The following TTC31 variants were observed in gnomAD, a reference collection of about 807,000 sequenced individuals.
TTC31 encodes the protein tetratricopeptide repeat protein 31.
In TTC31, 59 loss-of-function variants were observed where a neutral mutation model predicts 60.4. That is an observed-to-expected ratio of 0.98 (90% CI 0.79 to 1.21). TTC31 has a LOEUF of 1.21. Among genes scored for constraint, TTC31 ranks in the 50% most tolerant of loss-of-function variants. TTC31 has a pLI of 0.00. For missense variants in TTC31, 672 were observed against 646.9 expected (o/e 1.04, Z -0.42); for synonymous variants, 225 against 249.6 (o/e 0.90, Z 0.93).
chr2:74,483,678 C>T, intron 2 of TTC31: 3 of 1,255,476 alleles, frequency 2.4e-6, no homozygotes, highest in Non-Finnish European at 3.1e-6. Flanking sequence ...GGTACGAGTT[C>T]CTTGGGAAAA....
rs866785558 is a variant in TTC31, at chr2:74,491,469, T to G, written c.685-12T>G. On this transcript the variant is annotated splice_polypyrimidine_tract_variant and intron_variant, in intron 7 of 12. Coordinates refer to ENST00000233623, the MANE Select transcript of TTC31 (RefSeq NM_022492.6). ...TCCCCACCCCCTCCCTAACTTTCCA[T>G]TTTGTTCACAGGACTCACTGGATCT... 1.3e-6 allele frequency: 2 copies of G among 1,513,818 alleles called. No homozygotes were observed. Among genetic ancestry groups the G allele is most frequent in the Middle Eastern group, 3.5e-4 (2 of 5,766 alleles). 93.8% of individuals were successfully genotyped at this position (1,513,818 alleles called of 1,614,324 possible).
chr2:74,483,648 G>A, intron 2 of TTC31: 3 of 1,361,684 alleles, frequency 2.2e-6, no homozygotes, highest in Non-Finnish European at 2.9e-6. Context: ...AAGGGTCTCT[G>A]AGTTGAGGAT....
Position 74,492,039 on chromosome 2 carries a change from G to A in TTC31, c.912G>A (p.Gln304=). 2.5e-6 allele frequency: 4 copies of A among 1,614,246 alleles called. No homozygotes were observed. In the South Asian group the frequency reaches 3.3e-5, roughly 13 times the overall value. ...GACTGCTGGCAGCTGCCTTACAACA[G>A]AGCCAGGAACTGGCAAGTGAGATCC... is the stretch of plus-strand genomic sequence containing the variant. ...SPGLLAAALQ[Q]SQELAKLGTS... The change falls in exon 9 of 13, where the codon CAG becomes CAA. Residue 304 remains glutamine, a synonymous_variant. Transcript: ENST00000233623.
chr2:74,494,169 G>A lies in TTC31; in HGVS notation c.*951G>A, dbSNP rs533457020. 7.9e-5 allele frequency: 12 copies of A among 152,390 alleles called. No homozygotes were observed. The highest frequency in any genetic ancestry group is 1.2e-4 in the African/African-American group (5 of 41,528). The allele number at this position is 152,390 out of a possible 1,614,324, so 9.4% of individuals were successfully genotyped here. A position where few individuals can be genotyped will look rare whatever the true frequency, so the allele number is the denominator to read the frequency against. ...AAATGTGGGTCTGCAGAAGGCTTTA[G>A]GTCTCCCCCAACCCCCTTACCTTTC... On this transcript the variant is annotated 3_prime_UTR_variant, in exon 13 of 13. Coordinates refer to ENST00000233623, the MANE Select transcript of TTC31 (RefSeq NM_022492.6).
chr2:74,490,172 TG>T, intron 3 of TTC31, 45 bp downstream of exon 3: 1 of 1,611,198 alleles, frequency 6.2e-7, no homozygotes, highest in Non-Finnish European at 8.5e-7. Context: ...GCTGGTACCC[TG>T]GGAGGGCTGA....
In TTC31 at chr2:74,492,168, T is replaced by C. The variant is rs1293586878; in HGVS notation, c.958T>C (p.Phe320Leu). 6.2e-7 allele frequency: 1 copy of C among 1,614,230 alleles called. No homozygotes were observed. The highest frequency in any genetic ancestry group is 1.7e-5 in the Admixed American group (1 of 60,024). The change falls in exon 10 of 13, where the codon TTC becomes CTC. Residue 320 changes from phenylalanine (F) to leucine (L), a missense_variant. Transcript: ENST00000233623. ...GGGTACCAGCTTTGCTCAAAATGGT[T>C]TCTACCATGAGGCCGTGGTCCTCTT... ...KLGTSFAQNG[F>L]YHEAVVLFTQ...
chr2:74,491,902 A>C, intron 8 of TTC31, 102 bp from the exon 9 acceptor site: 1 of 1,576,944 alleles, frequency 6.3e-7, no homozygotes, highest in South Asian at 1.1e-5. Context: ...GGATTACATG[A>C]GTTGGGTAAT....
chr2:74,492,998 C>T lies in TTC31; in HGVS notation c.1340C>T (p.Ala447Val). Residue 447 changes from alanine to valine, a missense_variant, in exon 13 of 13, where the codon GCA becomes GTA. By Grantham distance (64) the Ala-to-Val change is moderately conservative. Coordinates refer to ENST00000233623, the MANE Select transcript of TTC31 (RefSeq NM_022492.6). ...ALQPLPHAEL[A>V]PSGLPSLRCP... ...CAGCCACTTCCCCATGCTGAGCTGG[C>T]ACCCTCAGGCCTACCTTCCCTCAGG... 1 of 1,614,144 alleles carries T rather than the reference C, an allele frequency of 6.2e-7. No individual in the cohort carries two copies. Among genetic ancestry groups the T allele is most frequent in the Non-Finnish European group, 8.5e-7 (1 of 1,179,986 alleles).
intron 9 of TTC31, 22 bp from the exon 10 acceptor site, chr2:74,492,117 T>C (rs1367243092): frequency 1.2e-6 from 2 of 1,614,042 alleles, no homozygotes; most frequent in Admixed American, 1.7e-5. Context: ...ATCTGAACCT[T>C]CTCACCCTCT....
Position 74,490,121 on chromosome 2 carries a change from C to A in TTC31, c.226C>A (p.His76Asn). 1.3e-6 allele frequency: 2 copies of A among 1,599,348 alleles called. No homozygotes were observed. Among genetic ancestry groups the A allele is most frequent in the Non-Finnish European group, 1.7e-6 (2 of 1,172,882 alleles). The change falls in exon 3 of 13, where the codon CAC (histidine) becomes AAC (asparagine). Residue 76 changes from histidine (H) to asparagine (N), a missense_variant. Transcript: ENST00000233623. ...DGSSGRLQLW[H>N]HDYLLGHLDD... ...GAGCAGCGGGCGGCTGCAGCTGTGG[C>A]ACCATGGTGGGGAGTGCAGGGACCG...
intron 2 of TTC31, among the ~76,000 whole-genome samples, chr2:74,485,985 C>T (rs1183339485): frequency 2.0e-5 from 3 of 151,728 alleles, no homozygotes; most frequent in South Asian, 2.1e-4. Context: ...TCTACACTCA[C>T]GGCCAGGCGC....
At chr2:74,491,862 G>A in intron 8 of TTC31, 142 bp from the exon 9 acceptor site, 1 of 1,463,626 alleles carries the variant, frequency 6.8e-7, no homozygotes, top group East Asian at 2.4e-5. Flanking sequence ...AGGAAGATAG[G>A]GCTGATACCA....
intron 3 of TTC31, 58 bp downstream of exon 3, chr2:74,490,185 C>G: frequency 6.2e-7 from 1 of 1,610,344 alleles, no homozygotes; most frequent in Non-Finnish European, 8.5e-7. Flanking sequence ...GAGGGCTGAC[C>G]CTCAGATGCA....
Position 74,487,959 on chromosome 2 carries a change from C to T in TTC31, c.130-2066C>T, listed in dbSNP as rs567029237. ...CCTCCCAAAGTGCTGGGATTACAGG[C>T]GTGAGCCACCATGCCCAGCCATATT... On this transcript the variant is annotated intron_variant, in intron 2 of 12. Coordinates refer to ENST00000233623, the MANE Select transcript of TTC31 (RefSeq NM_022492.6). Among the ~76,000 whole-genome samples the T allele has an allele frequency of 9.9e-5, 15 of 152,188 alleles. No homozygotes were observed. The South Asian group carries it at 1.9e-3, about 19-fold the overall frequency.
chr2:74,493,476 G>C lies in TTC31; in HGVS notation c.*258G>C. On this transcript the variant is annotated 3_prime_UTR_variant, in exon 13 of 13. Transcript: ENST00000233623. The stretch of plus-strand genomic sequence containing the variant: ...TAAAACCCACCAAGGCTCAAGAAGG[G>C]AACTATAGAAAAGTTCAGGTTTTTA... 1 of 473,714 alleles carries C rather than the reference G, an allele frequency of 2.1e-6. No individual in the cohort carries two copies. The highest frequency in any genetic ancestry group is 3.7e-6 in the Non-Finnish European group (1 of 266,992). The allele number at this position is 473,714 out of a possible 1,614,324, so 29.3% of individuals were successfully genotyped here. A position where few individuals can be genotyped will look rare whatever the true frequency, so the allele number is the denominator to read the frequency against.
chr2:74,491,281 T>C lies in TTC31; in HGVS notation c.604-14T>C. 1 of 1,614,176 alleles carries C rather than the reference T, an allele frequency of 6.2e-7. No individual in the cohort carries two copies. Among genetic ancestry groups the C allele is most frequent in the Non-Finnish European group, 8.5e-7 (1 of 1,180,016 alleles). ...AGGTGATCCCAACTCTGTACCTGTC[T>C]ATCTTTCTTCCAGGCCAGCACTACC... is the stretch of plus-strand genomic sequence containing the variant. On this transcript the variant is annotated splice_polypyrimidine_tract_variant and intron_variant, in intron 6 of 12. Transcript: ENST00000233623.
In TTC31 at chr2:74,490,085, C is replaced by G; in HGVS notation, c.190C>G (p.His64Asp). ...TGATCCCCAGGGCCTGCACCGGATC[C>G]ATGTGGATGGGAGCAGCGGGCGGCT... ...ESDPQGLHRI[H>D]VDGSSGRLQL... The change falls in exon 3 of 13, where the codon CAT becomes GAT. Residue 64 changes from histidine (H) to aspartate (D), a missense_variant. His to Asp is a moderately conservative substitution (Grantham distance 81). Transcript: ENST00000233623. 1 of 1,591,188 alleles carries G rather than the reference C, an allele frequency of 6.3e-7. No homozygotes were observed. The highest frequency in any genetic ancestry group is 8.6e-7 in the Non-Finnish European group (1 of 1,168,496).
chr2:74,491,310 G>C lies in TTC31; in HGVS notation c.619G>C (p.Asp207His), dbSNP rs760046629. The part of the protein sequence containing the change: ...CGEPKASTTS[D>H]GDESPPSSPG... ...TTTCTTCCAGGCCAGCACTACCTCA[G>C]ATGGAGATGAGAGCCCCCCATCCAG... The change falls in exon 7 of 13, where the codon GAT becomes CAT. Residue 207 changes from aspartate to histidine, a missense_variant. By Grantham distance (81) the Asp-to-His change is moderately conservative (BLOSUM62 -1). Transcript: ENST00000233623. 1.8e-5 allele frequency: 29 copies of C among 1,614,044 alleles called. No individual in the cohort carries two copies. In the East Asian group the frequency reaches 4.5e-4, roughly 25 times the overall value.
Position 74,490,598 on chromosome 2 carries a change from G to A in TTC31, c.463-58G>A, listed in dbSNP as rs887947777. The A allele has an allele frequency of 3.6e-5, 57 of 1,584,448 alleles. No individual in the cohort carries two copies. The African/African-American group carries it at 7.6e-4, about 21-fold the overall frequency. ...TTCTATACTGCCTGCCCCCTTTCAT[G>A]TTTGCTCTCCATTTCCCTGTTTCTC... On this transcript the variant is annotated intron_variant, in intron 4 of 12. Transcript: ENST00000233623.
Sources: gnomAD v4.1 joint callset for allele counts (sites outside exome capture counted in the v4.1 genomes callset) on GRCh38, gnomAD v4.1.1 for gene constraint, MANE v1.5 for transcripts, NCBI Gene and HGNC (gene_info 2026-07-23, HGNC 2026-07-21) for gene names.